Variants in ARHGAP26 observed in about 807,000 individuals in gnomAD.
ARHGAP26 encodes Rho GTPase activating protein 26.
ARHGAP26 carries 38 observed loss-of-function variants against 104.8 expected under a neutral mutation model. The observed-to-expected ratio is 0.36, with a 90% CI of 0.28 to 0.48. The LOEUF (loss-of-function observed/expected upper bound fraction) is 0.48. Ranked by LOEUF, ARHGAP26 falls within the 20% of genes least tolerant of loss-of-function variation. The pLI is 0.99. For missense variants in ARHGAP26, 704 were observed against 947.9 expected (o/e 0.74, Z 3.38); for synonymous variants, 341 against 340.0 (o/e 1.00, Z -0.03).
At chr5:143,220,258 C>G (rs971896115) in intron 22 of ARHGAP26, among the ~76,000 whole-genome samples, 1 of 152,092 alleles carries the variant, frequency 6.6e-6, no homozygotes, top group Admixed American at 6.6e-5. Context: ...TAATTTTATT[C>G]TAAACATTTG....
At chr5:142,962,564 AT>A in intron 11 of ARHGAP26, among the ~76,000 whole-genome samples, 1 of 152,080 alleles carries the variant, frequency 6.6e-6, no homozygotes, top group South Asian at 2.1e-4. Context: ...ATCCACAAGA[AT>A]TTTCCTTGTT....
At chr5:142,962,670 G>A (rs915029081) in intron 11 of ARHGAP26, among the ~76,000 whole-genome samples, 1 of 152,066 alleles carries the variant, frequency 6.6e-6, no homozygotes. Context: ...TATGTACAAA[G>A]CTTTGCTTCT....
chr5:142,920,056 G>T (rs570155329), intron 10 of ARHGAP26, among the ~76,000 whole-genome samples: 7 of 152,012 alleles, frequency 4.6e-5, no homozygotes, highest in Non-Finnish European at 8.8e-5. Flanking sequence ...AGCATTCTTG[G>T]GTGCTTTTGT....
intron 22 of ARHGAP26, among the ~76,000 whole-genome samples, chr5:143,217,156 G>T (rs1481737792): frequency 6.6e-6 from 1 of 152,106 alleles, no homozygotes; most frequent in Admixed American, 6.6e-5. Flanking sequence ...TGTGTTTCAG[G>T]ATTAAGAAGA....
chr5:143,113,651 G>A (rs1202007708), intron 17 of ARHGAP26, among the ~76,000 whole-genome samples: 1 of 152,322 alleles, frequency 6.6e-6, no homozygotes, highest in East Asian at 1.9e-4. Context: ...GTTTTGTCAA[G>A]TGTGCAGCCA....
chr5:143,054,608 G>A lies in ARHGAP26; in HGVS notation c.1373+82G>A, dbSNP rs1036702111. 68 of 1,020,822 alleles carry A rather than the reference G, an allele frequency of 6.7e-5. 1 individual carries two copies. Among genetic ancestry groups the A allele is most frequent in the East Asian group, 7.3e-5 (3 of 40,850 alleles). 63.2% of individuals were successfully genotyped at this position (1,020,822 alleles called of 1,614,324 possible). ...GAAAGCAGTTTTATTTTCAGACTCC[G>A]GAGAGCTGTCGGGTGGGTGTTTGAG... On this transcript the variant is annotated intron_variant, in intron 15 of 22. Transcript: ENST00000645722.
chr5:143,214,048 C>T lies in ARHGAP26; in HGVS notation c.2151C>T (p.Asp717=). The T allele has an allele frequency of 2.5e-6, 4 of 1,594,484 alleles. No homozygotes were observed. The highest frequency in any genetic ancestry group is 2.2e-5 in the South Asian group (2 of 88,996). ...KALYACKAEH[D]SELSFTAGTV... ...TGTATGCCTGCAAAGCTGAACATGA[C>T]TCAGAACTTTCGTTCACAGCAGGCA... is the stretch of plus-strand genomic sequence containing the variant. Residue 717 remains aspartate (D), a synonymous_variant, in exon 22 of 23, where the codon GAC becomes GAT. Transcript: ENST00000645722.
At chr5:142,811,238 T>TG (rs1764012389) in intron 1 of ARHGAP26, among the ~76,000 whole-genome samples, 1 of 152,036 alleles carries the variant, frequency 6.6e-6, no homozygotes, top group African/African-American at 2.4e-5. Flanking sequence ...TGATCATCTA[T>TG]AGGCACTGGC....
At chr5:142,954,022 C>T (rs1768812509) in intron 11 of ARHGAP26, among the ~76,000 whole-genome samples, 1 of 152,216 alleles carries the variant, frequency 6.6e-6, no homozygotes, top group Non-Finnish European at 1.5e-5. Context: ...TTTTAAAATA[C>T]ATGATATATG....
At chr5:142,913,120 G>A in intron 9 of ARHGAP26, 79 bp from the exon 10 acceptor site, 2 of 1,210,332 alleles carry the variant, frequency 1.7e-6, no homozygotes, top group Non-Finnish European at 2.5e-6. Context: ...GATTGCTCCT[G>A]TTTACATGTC....
chr5:142,907,958 AG>A (rs1258307334), intron 9 of ARHGAP26, among the ~76,000 whole-genome samples, 154 bp downstream of exon 9: 1 of 152,210 alleles, frequency 6.6e-6, no homozygotes, highest in Non-Finnish European at 1.5e-5. Context: ...TAGTTCAGGA[AG>A]CCTAAGAGGC....
At chr5:142,964,996 A>G (rs548378583) in intron 11 of ARHGAP26, among the ~76,000 whole-genome samples, 1 of 152,282 alleles carries the variant, frequency 6.6e-6, no homozygotes, top group East Asian at 1.9e-4. Context: ...GTCATCTCCA[A>G]TGATAGGTAA....
intron 1 of ARHGAP26, among the ~76,000 whole-genome samples, chr5:142,804,487 T>C (rs950145576): frequency 6.6e-6 from 1 of 152,172 alleles, no homozygotes; most frequent in Non-Finnish European, 1.5e-5. Flanking sequence ...TGAACAGATT[T>C]TATTTTTTAT....
intron 20 of ARHGAP26, among the ~76,000 whole-genome samples, chr5:143,187,883 GAA>G (rs1328348998): frequency 6.6e-6 from 1 of 152,200 alleles, no homozygotes; most frequent in Non-Finnish European, 1.5e-5. Context: ...TCAGCAGAGA[GAA>G]ACATTTTGCT....
intron 1 of ARHGAP26, 66 bp downstream of exon 1, chr5:142,770,981 C>T (rs1755073447): frequency 1.3e-6 from 2 of 1,495,052 alleles, no homozygotes; most frequent in Non-Finnish European, 1.8e-6. Flanking sequence ...TGGCGCTTAG[C>T]CCGGGTTGCC....
chr5:143,216,334 C>T (rs557164481), intron 22 of ARHGAP26: 27 of 468,486 alleles, frequency 5.8e-5, no homozygotes, highest in Non-Finnish European at 9.3e-5. Flanking sequence ...TACAGAGCAG[C>T]GAGAGTGATC....
At chr5:142,955,784 T>C (rs766568061) in intron 11 of ARHGAP26, among the ~76,000 whole-genome samples, 2 of 152,238 alleles carry the variant, frequency 1.3e-5, no homozygotes, top group Non-Finnish European at 2.9e-5. Flanking sequence ...TTCCAGATGT[T>C]AGTCTTGTTG....
chr5:142,866,154 T>C (rs1754246107), intron 1 of ARHGAP26, among the ~76,000 whole-genome samples: 1 of 152,196 alleles, frequency 6.6e-6, no homozygotes, highest in Non-Finnish European at 1.5e-5. Context: ...CTTAATTTTG[T>C]AGTTTTGCAC....
chr5:142,792,434 A>G (rs892650703), intron 1 of ARHGAP26, among the ~76,000 whole-genome samples: 2 of 152,162 alleles, frequency 1.3e-5, no homozygotes, highest in Non-Finnish European at 2.9e-5. Flanking sequence ...TCTTAGGTAG[A>G]GTGGGTAGGG....
Sources: allele counts gnomAD v4.1 joint callset (sites outside exome capture counted in the v4.1 genomes callset), GRCh38; gene constraint gnomAD v4.1.1; transcripts MANE v1.5; gene names NCBI Gene and HGNC (gene_info 2026-07-23, HGNC 2026-07-21).